The following DPY19L3 variants were observed in gnomAD, a reference collection of about 807,000 sequenced individuals.
DPY19L3 encodes dpy-19 like C-mannosyltransferase 3, also known as protein C-mannosyl-transferase DPY19L3.
DPY19L3 carries 51 observed loss-of-function variants against 92.3 expected under a neutral mutation model. That is an observed-to-expected ratio of 0.55 (90% CI 0.44 to 0.70). DPY19L3 has a LOEUF of 0.70. Among genes scored for constraint, DPY19L3 ranks in the 30% least tolerant of loss-of-function variants. The pLI is 0.00. For missense variants in DPY19L3, 706 were observed against 855.9 expected (o/e 0.82, Z 2.18); for synonymous variants, 309 against 315.2 (o/e 0.98, Z 0.21).
rs1970706149 is a variant in DPY19L3 at position 32,482,537 on chromosome 19, C to T, written c.*297C>T. ...AGAATGATGTGTGTTCCATGGATAC[C>T]TGGATAGGCACATAACATGTTGGAA... is the stretch of plus-strand genomic sequence containing the variant. On this transcript the variant is annotated 3_prime_UTR_variant, in exon 19 of 19. Transcript: ENST00000392250. 3.0e-5 allele frequency: 8 copies of T among 262,982 alleles called. No homozygotes were observed. In the South Asian group the frequency reaches 5.5e-4, roughly 18 times the overall value. 16.3% of individuals were successfully genotyped at this position (262,982 alleles called of 1,614,324 possible). A position where few individuals can be genotyped will look rare whatever the true frequency, so the allele number is the denominator to read the frequency against.
intron 8 of DPY19L3, among the ~76,000 whole-genome samples, chr19:32,445,201 G>A (rs562170520): frequency 1.3e-5 from 2 of 151,836 alleles, no homozygotes; most frequent in East Asian, 3.9e-4. Context: ...CATTACTTTG[G>A]GAGGCCGAGG....
chr19:32,432,693 C>CT, intron 3 of DPY19L3, 23 bp from the exon 4 acceptor site: 1 of 1,606,460 alleles, frequency 6.2e-7, no homozygotes, highest in East Asian at 2.2e-5. Context: ...CACATAAACC[C>CT]ATAGGATCTA....
intron 3 of DPY19L3, among the ~76,000 whole-genome samples, chr19:32,427,826 C>T (rs1387113241): frequency 6.6e-6 from 1 of 152,126 alleles, no homozygotes; most frequent in Admixed American, 6.5e-5. Flanking sequence ...TTAAGAACAG[C>T]TGTCTTATGG....
chr19:32,465,092 G>A (rs1599664226), intron 15 of DPY19L3, among the ~76,000 whole-genome samples: 1 of 152,170 alleles, frequency 6.6e-6, no homozygotes, highest in East Asian at 1.9e-4. Flanking sequence ...ATTTTGAAAT[G>A]AAAGTAGGAA....
intron 3 of DPY19L3, among the ~76,000 whole-genome samples, chr19:32,413,413 C>T (rs1372673844): frequency 5.3e-5 from 8 of 151,272 alleles, no homozygotes; most frequent in Non-Finnish European, 1.0e-4. Flanking sequence ...TATCTTTATA[C>T]AAATTATCAT....
At chr19:32,415,226 C>T (rs1321297966) in intron 3 of DPY19L3, among the ~76,000 whole-genome samples, 1 of 152,154 alleles carries the variant, frequency 6.6e-6, no homozygotes, top group Non-Finnish European at 1.5e-5. Flanking sequence ...ATAGAGAGCA[C>T]TGTGGGAGCA....
chr19:32,432,772 C>A lies in DPY19L3; in HGVS notation c.294C>A (p.Tyr98Ter). The change falls in exon 4 of 19, where the codon TAC becomes TAA. Residue 98 changes from tyrosine to a stop codon, truncating the protein, a stop_gained. Coordinates refer to ENST00000392250, the MANE Select transcript of DPY19L3 (RefSeq NM_001172774.2). LOFTEE classifies it high-confidence loss of function. Reference sequence around the variant, plus strand: ...AGTGTGGCCTGTATTACTCCTACTACAAGCAGATGCTGCAGGCTCCAACCC... The same window carrying A: ...AGTGTGGCCTGTATTACTCCTACTAAAAGCAGATGCTGCAGGCTCCAACCC... The part of the protein sequence containing the change: ...RTECGLYYSY[Y>*]KQMLQAPTLV... The A allele has an allele frequency of 1.2e-6, 2 of 1,613,910 alleles. No individual in the cohort carries two copies. Among genetic ancestry groups the A allele is most frequent in the Non-Finnish European group, 1.7e-6 (2 of 1,179,924 alleles).
chr19:32,420,670 AAACTCCTGACC>A (rs1475395547), intron 3 of DPY19L3, among the ~76,000 whole-genome samples: 1 of 151,898 alleles, frequency 6.6e-6, no homozygotes, highest in African/African-American at 2.4e-5. Flanking sequence ...GGCTGTTCTC[AAACTCCTGACC>A]TCAGGTGTTC....
chr19:32,481,675 A>G lies in DPY19L3; in HGVS notation c.1990-404A>G, dbSNP rs910879379. The G allele has an allele frequency of 4.5e-5, 7 of 155,392 alleles. No individual in the cohort carries two copies. In the East Asian group the frequency reaches 1.3e-3, roughly 29 times the overall value. 9.6% of individuals were successfully genotyped at this position (155,392 alleles called of 1,614,324 possible). ...AGCGATCCTCCTGCCTCAGCCTCCC[A>G]AAGTGCTGGGATTTCAGGCATGAGC... On this transcript the variant is annotated intron_variant, in intron 18 of 18. Coordinates refer to ENST00000392250, the MANE Select transcript of DPY19L3 (RefSeq NM_001172774.2).
At chr19:32,471,597 C>T (rs1013433219) in intron 16 of DPY19L3, among the ~76,000 whole-genome samples, 5 of 152,188 alleles carry the variant, frequency 3.3e-5, no homozygotes, top group Non-Finnish European at 5.9e-5. Flanking sequence ...AGTGTCCCGC[C>T]CCGTGTCCTT....
intron 1 of DPY19L3, among the ~76,000 whole-genome samples, chr19:32,406,932 C>A (rs1967976955): frequency 6.6e-6 from 1 of 151,476 alleles, no homozygotes; most frequent in East Asian, 1.9e-4. Flanking sequence ...AAACACTCCT[C>A]TTCTCCCTCT....
chr19:32,428,843 TG>T, intron 3 of DPY19L3, among the ~76,000 whole-genome samples: 2 of 151,696 alleles, frequency 1.3e-5, no homozygotes, highest in African/African-American at 4.8e-5. Context: ...TTTTTTTTCT[TG>T]TTGTTGTTGT....
In DPY19L3 at chr19:32,484,441, C is replaced by G. The variant is rs1477457078; in HGVS notation, c.*2201C>G. On this transcript the variant is annotated 3_prime_UTR_variant, in exon 19 of 19. Transcript: ENST00000392250. ...TCTCTACCAGGCCGAAGCAAGAGACCCGCGGCAGCAGCTCCCCGCCACTCA... is the reference window on the plus strand; with the variant it reads ...TCTCTACCAGGCCGAAGCAAGAGACGCGCGGCAGCAGCTCCCCGCCACTCA... The G allele has an allele frequency of 6.6e-6, 1 of 152,226 alleles. No individual in the cohort carries two copies. Among genetic ancestry groups the G allele is most frequent in the East Asian group, 1.9e-4 (1 of 5,198 alleles). The allele number at this position is 152,226 out of a possible 1,614,324, so 9.4% of individuals were successfully genotyped here.
chr19:32,419,180 AG>A (rs1162244675), intron 3 of DPY19L3, among the ~76,000 whole-genome samples: 2 of 136,076 alleles, frequency 1.5e-5, no homozygotes, highest in Non-Finnish European at 3.1e-5. Flanking sequence ...TTTTTTTTTG[AG>A]ACAGAGTCTC....
intron 1 of DPY19L3, among the ~76,000 whole-genome samples, chr19:32,407,267 C>CA (rs994393297): frequency 8.3e-6 from 1 of 121,056 alleles, no homozygotes; most frequent in Non-Finnish European, 1.8e-5. Flanking sequence ...CTCCTGCTCC[C>CA]CCCCACCCAT....
chr19:32,480,359 A>C (rs1476828463), intron 17 of DPY19L3, 40 bp from the exon 18 acceptor site: 1 of 1,582,938 alleles, frequency 6.3e-7, no homozygotes, highest in Admixed American at 1.8e-5. Context: ...CTGGCAGTCA[A>C]GTAGCATTTG....
Position 32,458,348 on chromosome 19 carries a change from T to C in DPY19L3, c.1164-3T>C, listed in dbSNP as rs757301343. The C allele has an allele frequency of 2.5e-6, 4 of 1,609,934 alleles. No homozygotes were observed. Among genetic ancestry groups the C allele is most frequent in the Non-Finnish European group, 3.4e-6 (4 of 1,179,044 alleles). On this transcript the variant is annotated splice_region_variant and splice_polypyrimidine_tract_variant and intron_variant, in intron 11 of 18. Coordinates refer to ENST00000392250, the MANE Select transcript of DPY19L3 (RefSeq NM_001172774.2). The stretch of plus-strand genomic sequence containing the variant: ...AATACTTTGCTTTCCATTTGTTCCC[T>C]AGGGATTTTGATGCAAATCTCTATC...
chr19:32,411,186 C>G, intron 2 of DPY19L3, 53 bp from the exon 3 acceptor site: 1 of 1,550,350 alleles, frequency 6.5e-7, no homozygotes. Flanking sequence ...AGAACTATTA[C>G]ATTCTGATTT....
At position 32,455,045 on chromosome 19, in the gene DPY19L3, G is replaced by A. The variant is rs769619729; in HGVS notation, c.1089+5G>A. 6.8e-7 allele frequency: 1 copy of A among 1,476,504 alleles called. No individual in the cohort carries two copies. The highest frequency in any genetic ancestry group is 1.3e-5 in the South Asian group (1 of 78,016). The allele number at this position is 1,476,504 out of a possible 1,614,324, so 91.5% of individuals were successfully genotyped here. ...TTTCTCAACAACATAATTAAGGTAAGTTAATAAAAATGACATGTTTAATGT... is the reference window on the plus strand; with the variant it reads ...TTTCTCAACAACATAATTAAGGTAAATTAATAAAAATGACATGTTTAATGT... On this transcript the variant is annotated splice_donor_5th_base_variant and intron_variant, in intron 10 of 18. Transcript: ENST00000392250.
Sources: gnomAD v4.1 joint callset for allele counts (sites outside exome capture counted in the v4.1 genomes callset) on GRCh38, gnomAD v4.1.1 for gene constraint, MANE v1.5 for transcripts, NCBI Gene and HGNC (gene_info 2026-07-23, HGNC 2026-07-21) for gene names.